ABCB1: variants seen among roughly 807,000 people sequenced by gnomAD.
ABCB1 encodes ATP-dependent translocase ABCB1.
In ABCB1, 69 loss-of-function variants were observed where a neutral mutation model predicts 142.0. The ratio of observed to expected loss-of-function variants is 0.49; its 90% CI spans 0.40 to 0.59. The LOEUF is 0.59. ABCB1 is among the 20% of genes least tolerant of loss of function. ABCB1 has a pLI of 0.00. For missense variants in ABCB1, 1,326 were observed against 1,554.7 expected, an observed-to-expected ratio of 0.85 and a Z score of 2.47; for synonymous variants, 532 against 539.2, an observed-to-expected ratio of 0.99 and a Z score of 0.18.
intron 1 of ABCB1, among the ~76,000 whole-genome samples, chr7:87,619,028 C>T (rs1820126939): frequency 6.6e-6 from 1 of 152,138 alleles, no homozygotes; most frequent in Non-Finnish European, 1.5e-5. Context: ...GCCTTAGGAA[C>T]CCCTGAGCAG....
At chr7:87,573,193 A>G (rs1198694123) in intron 4 of ABCB1, among the ~76,000 whole-genome samples, 2 of 152,234 alleles carry the variant, frequency 1.3e-5, no homozygotes, top group East Asian at 1.9e-4. Context: ...AAGAGGGCAC[A>G]TGCAGGGGAA....
At chr7:87,614,079 T>C (rs1320243897) in intron 1 of ABCB1, among the ~76,000 whole-genome samples, 1 of 152,120 alleles carries the variant, frequency 6.6e-6, no homozygotes, top group Non-Finnish European at 1.5e-5. Flanking sequence ...CTTTATGAAG[T>C]TAGTTCTCTA....
chr7:87,628,622 T>TGG (rs1820857515), intron 1 of ABCB1: 4 of 316,740 alleles, frequency 1.3e-5, no homozygotes, highest in Non-Finnish European at 2.2e-5. Flanking sequence ...TGTGTGTGTG[T>TGG]GTGGAGCTCG....
chr7:87,693,963 T>C (rs1329684268), intron 1 of ABCB1: 1 of 1,611,828 alleles, frequency 6.2e-7, no homozygotes, highest in African/African-American at 1.3e-5. Flanking sequence ...TTCAAGGTAC[T>C]CTATGCTGGT....
intron 1 of ABCB1, among the ~76,000 whole-genome samples, chr7:87,655,772 A>G (rs1396090815): frequency 6.6e-6 from 1 of 152,100 alleles, no homozygotes; most frequent in East Asian, 1.9e-4. Context: ...CCTCAAATTC[A>G]TATGCTGGAA....
chr7:87,611,196 C>T (rs563921036), intron 1 of ABCB1, among the ~76,000 whole-genome samples: 1 of 152,248 alleles, frequency 6.6e-6, no homozygotes, highest in Non-Finnish European at 1.5e-5. Flanking sequence ...TTCTGCTTAC[C>T]TCTATAGCCT....
intron 9 of ABCB1, among the ~76,000 whole-genome samples, chr7:87,551,524 C>A (rs1033732681): frequency 6.6e-6 from 1 of 151,898 alleles, no homozygotes; most frequent in Admixed American, 6.6e-5. Flanking sequence ...CAAGGTCTTG[C>A]TTTGTTGCCC....
chr7:87,585,704 G>A (rs370135199), intron 3 of ABCB1, 24 bp from the exon 4 acceptor site: 26 of 1,610,456 alleles, frequency 1.6e-5, no homozygotes, highest in Middle Eastern at 1.6e-4. Context: ...AAAAAGAATA[G>A]CAGAGGAAAA....
chr7:87,583,529 A>T (rs1199111221), intron 4 of ABCB1, among the ~76,000 whole-genome samples: 1 of 152,204 alleles, frequency 6.6e-6, no homozygotes, highest in African/African-American at 2.4e-5. Flanking sequence ...TCACCTAGAA[A>T]CTAGATATCT....
intron 21 of ABCB1, among the ~76,000 whole-genome samples, chr7:87,530,857 G>GAAAGAAAGAAAGAA: frequency 8.9e-6 from 1 of 111,812 alleles, no homozygotes; most frequent in Admixed American, 9.6e-5. Context: ...AAGAAAGAAA[G>GAAAGAAAGAAAGAA]AAAGAAAGAA....
chr7:87,570,645 C>T (rs1818010235), intron 4 of ABCB1, among the ~76,000 whole-genome samples: 1 of 152,084 alleles, frequency 6.6e-6, no homozygotes, highest in South Asian at 2.1e-4. Context: ...TTAAAAATAT[C>T]AAATACAAAG....
intron 1 of ABCB1, among the ~76,000 whole-genome samples, chr7:87,688,947 C>A (rs1344942780): frequency 2.0e-5 from 3 of 151,834 alleles, no homozygotes; most frequent in Non-Finnish European, 4.4e-5. Flanking sequence ...TTTTCATTCA[C>A]CAATTTAAAT....
intron 21 of ABCB1, among the ~76,000 whole-genome samples, chr7:87,529,191 G>A (rs922497942): frequency 1.3e-5 from 2 of 152,200 alleles, no homozygotes; most frequent in African/African-American, 4.8e-5. Flanking sequence ...CTGTTGCTGT[G>A]TGACTGTGAG....
chr7:87,583,293 A>C (rs1310354823), intron 4 of ABCB1, among the ~76,000 whole-genome samples: 1 of 152,234 alleles, frequency 6.6e-6, no homozygotes, highest in East Asian at 1.9e-4. Flanking sequence ...TAAAGTATGA[A>C]TAAATTCCCT....
chr7:87,573,646 CATAAAGG>C (rs1373444629), intron 4 of ABCB1, among the ~76,000 whole-genome samples: 1 of 152,140 alleles, frequency 6.6e-6, no homozygotes, highest in East Asian at 1.9e-4. Context: ...CAGTCCACTG[CATAAAGG>C]ATAAAGATCA....
intron 1 of ABCB1, among the ~76,000 whole-genome samples, chr7:87,614,858 G>A (rs543698071): frequency 4.6e-5 from 7 of 151,428 alleles, no homozygotes; most frequent in Admixed American, 6.6e-5. Flanking sequence ...TGGTGGGGGG[G>A]GCCGGGGAAC....
intron 4 of ABCB1, among the ~76,000 whole-genome samples, chr7:87,582,712 T>C (rs951470706): frequency 1.3e-5 from 2 of 152,256 alleles, no homozygotes; most frequent in Non-Finnish European, 2.9e-5. Flanking sequence ...TCATAAAATG[T>C]AAATGAATAG....
At chr7:87,626,196 A>ATATGTCATATATATGTGTCATATG (rs1820480339) in intron 1 of ABCB1, among the ~76,000 whole-genome samples, 2 of 111,318 alleles carry the variant, frequency 1.8e-5, no homozygotes, top group Non-Finnish European at 3.6e-5. Flanking sequence ...TGTGTCATAT[A>ATATGTCATATATATGTGTCATATG]TATGTCATAT....
intron 3 of ABCB1, among the ~76,000 whole-genome samples, chr7:87,586,084 A>G (rs1459667281): frequency 6.6e-6 from 1 of 152,352 alleles, no homozygotes; most frequent in Non-Finnish European, 1.5e-5. Context: ...ACCATGGAGG[A>G]AACATTGTGT....
Sources: allele counts gnomAD v4.1 joint callset (sites outside exome capture counted in the v4.1 genomes callset), GRCh38; gene constraint gnomAD v4.1.1; transcripts MANE v1.5; gene names NCBI Gene and HGNC (gene_info 2026-07-23, HGNC 2026-07-21).